Variants in FOXN3 observed in about 807,000 individuals in gnomAD.
The protein encoded by FOXN3 is forkhead box N3, also known as forkhead box protein N3.
FOXN3 carries 7 observed loss-of-function variants against 38.4 expected under a neutral mutation model. The ratio of observed to expected loss-of-function variants is 0.18; its 90% CI spans 0.10 to 0.34. The LOEUF (loss-of-function observed/expected upper bound fraction) is 0.34, where lower values mean the gene tolerates loss of function less well. FOXN3 is among the 10% of genes least tolerant of loss of function. The pLI is 1.00. For missense variants in FOXN3, 456 were observed against 613.4 expected, an observed-to-expected ratio of 0.74 and a Z score of 2.71; for synonymous variants, 230 against 242.2, an observed-to-expected ratio of 0.95 and a Z score of 0.47.
At chr14:89,372,741 GC>G (rs1313800260) in intron 2 of FOXN3, among the ~76,000 whole-genome samples, 1 of 150,938 alleles carries the variant, frequency 6.6e-6, no homozygotes, top group Non-Finnish European at 1.5e-5. Flanking sequence ...AAAATCTCCA[GC>G]AAACCTACAA....
intron 1 of FOXN3, among the ~76,000 whole-genome samples, chr14:89,427,355 G>A (rs1470710580): frequency 2.6e-5 from 3 of 115,516 alleles, no homozygotes; most frequent in African/African-American, 1.0e-4. Flanking sequence ...GCCCAGACTA[G>A]AGTGCAGTGG....
chr14:89,300,548 A>C (rs1228310224), intron 3 of FOXN3, among the ~76,000 whole-genome samples: 1 of 152,202 alleles, frequency 6.6e-6, no homozygotes, highest in Non-Finnish European at 1.5e-5. Flanking sequence ...ATGATGCTGA[A>C]AACCAGTCAC....
chr14:89,177,716 G>A (rs1221918924), intron 5 of FOXN3, among the ~76,000 whole-genome samples: 1 of 152,128 alleles, frequency 6.6e-6, no homozygotes, highest in Non-Finnish European at 1.5e-5. Flanking sequence ...CTCAGCAGCA[G>A]CATTCATTCT....
intron 1 of FOXN3, among the ~76,000 whole-genome samples, chr14:89,573,088 G>A (rs117155968): frequency 0.028 from 4,332 of 152,292 alleles, 113 homozygotes; most frequent in Middle Eastern, 0.051. Flanking sequence ...GGAGAAGGAG[G>A]TGCGTCACCT....
chr14:89,432,535 G>A (rs1259890578), intron 1 of FOXN3, among the ~76,000 whole-genome samples: 2 of 152,140 alleles, frequency 1.3e-5, no homozygotes, highest in East Asian at 1.9e-4. Context: ...GATAGGTGCT[G>A]TCATCCTCAT....
At chr14:89,324,361 G>A (rs1040355814) in intron 3 of FOXN3, among the ~76,000 whole-genome samples, 4 of 151,974 alleles carry the variant, frequency 2.6e-5, no homozygotes, top group Non-Finnish European at 4.4e-5. Context: ...TTGAAATATT[G>A]ATCACTAGCC....
At chr14:89,488,861 G>A (rs1470330581) in intron 1 of FOXN3, among the ~76,000 whole-genome samples, 2 of 152,072 alleles carry the variant, frequency 1.3e-5, no homozygotes, top group African/African-American at 4.8e-5. Flanking sequence ...GACATCTCTG[G>A]TTTTAGCTTT....
intron 4 of FOXN3, among the ~76,000 whole-genome samples, chr14:89,274,900 G>A (rs560516027): frequency 4.4e-4 from 67 of 152,330 alleles, no homozygotes; most frequent in Non-Finnish European, 8.5e-4. Context: ...ATGGGCAAGA[G>A]GACTTTGAGC....
rs1295017244 is a variant in FOXN3 at position 89,605,688 on chromosome 14, GA to G, written c.-15+13339del. On this transcript the variant is annotated intron_variant, in intron 1 of 6. Transcript: ENST00000345097. ...AGAACATGAAGAGTTATTTATATTA[GA>G]AAAAATATATTATGTTTTTGTTAAC... Among the ~76,000 whole-genome samples the G allele has an allele frequency of 3.3e-5, 5 of 151,940 alleles. No homozygotes were observed. The East Asian group carries it at 7.7e-4, about 23-fold the overall frequency.
chr14:89,568,964 G>C (rs576194305), intron 1 of FOXN3, among the ~76,000 whole-genome samples: 1 of 152,200 alleles, frequency 6.6e-6, no homozygotes, highest in Admixed American at 6.5e-5. Flanking sequence ...CAGCACTTTG[G>C]GAGGCCAAGG....
In FOXN3 at chr14:89,191,973, T is replaced by TATATATATATATATATATATAA. The variant is rs1481298307; in HGVS notation, c.746-11168_746-11167insTTATATATATATATATATATAT. Among the ~76,000 whole-genome samples the TATATATATATATATATATATAA allele has an allele frequency of 3.8e-3, 510 of 134,952 alleles. 24 individuals are homozygous for TATATATATATATATATATATAA. The highest frequency in any genetic ancestry group is 0.015 in the African/African-American group (488 of 31,498). 88.5% of individuals were successfully genotyped at this position (134,952 alleles called of 152,430 possible). The stretch of plus-strand genomic sequence containing the variant: ...GTATATATATATATACACATATATA[T>TATATATATATATATATATATAA]AACTATAATATATAATATATATTAG... On this transcript the variant is annotated intron_variant, in intron 4 of 5. Coordinates refer to ENST00000557258, the MANE Select transcript of FOXN3 (RefSeq NM_005197.4).
At chr14:89,411,404 G>A (rs761267371) in intron 2 of FOXN3, among the ~76,000 whole-genome samples, 4 of 152,222 alleles carry the variant, frequency 2.6e-5, no homozygotes, top group Non-Finnish European at 4.4e-5. Context: ...GGCAACTCAT[G>A]TCTGTTTAGT....
chr14:89,578,654 T>C (rs1895682516), intron 1 of FOXN3, among the ~76,000 whole-genome samples: 1 of 152,090 alleles, frequency 6.6e-6, no homozygotes, highest in Non-Finnish European at 1.5e-5. Flanking sequence ...CATTCCTCCC[T>C]TTCTCTCACC....
chr14:89,219,954 G>A (rs1005378349), intron 4 of FOXN3, among the ~76,000 whole-genome samples: 2 of 152,144 alleles, frequency 1.3e-5, no homozygotes, highest in Non-Finnish European at 2.9e-5. Context: ...GCCACTTACA[G>A]AACTAATCAT....
intron 2 of FOXN3, among the ~76,000 whole-genome samples, chr14:89,377,752 C>G (rs1040764973): frequency 9.8e-5 from 15 of 152,344 alleles, no homozygotes; most frequent in African/African-American, 3.4e-4. Flanking sequence ...CTGCACAACT[C>G]GTATGTTGAA....
intron 3 of FOXN3, among the ~76,000 whole-genome samples, chr14:89,344,267 G>GAA (rs58685122): frequency 3.1e-5 from 4 of 130,740 alleles, no homozygotes; most frequent in Admixed American, 8.0e-5. Context: ...GCTCATTAAA[G>GAA]AAAAAAAAAA....
chr14:89,469,259 CAGG>C (rs1489359662), intron 1 of FOXN3, among the ~76,000 whole-genome samples: 1 of 152,142 alleles, frequency 6.6e-6, no homozygotes, highest in Non-Finnish European at 1.5e-5. Context: ...CCCACAGCAC[CAGG>C]AGGAGTGTCT....
intron 1 of FOXN3, among the ~76,000 whole-genome samples, chr14:89,587,916 T>C (rs73315244): frequency 0.061 from 8,929 of 146,158 alleles, 548 homozygotes; most frequent in African/African-American, 0.16. Flanking sequence ...TTTGGGTAAA[T>C]TAACAGATAG....
rs763609278 is a variant in FOXN3 at position 89,162,463 on chromosome 14, T to C, written c.1358A>G (p.Asn453Ser). 5.0e-6 allele frequency: 8 copies of C among 1,598,172 alleles called. No homozygotes were observed. The highest frequency in any genetic ancestry group is 1.8e-5 in the Admixed American group (1 of 56,386). ...GIRSCLNNIT[N>S]RTAKGQKEQK... is the part of the protein sequence containing the mutation. ...CTCTTTCTGCCCCTTTGCCGTCCGATTGGTGATGTTATTCAAACAGGACCG... is the reference window on the plus strand; with the variant it reads ...CTCTTTCTGCCCCTTTGCCGTCCGACTGGTGATGTTATTCAAACAGGACCG... Residue 453 changes from asparagine to serine, a missense_variant, in exon 6 of 6, where the codon AAT (asparagine) becomes AGT (serine). Asn to Ser is a conservative substitution (Grantham distance 46, BLOSUM62 1). Around this residue, in one of 3 missense-constraint regions of FOXN3, gnomAD observed 386 missense variants for 505.2 expected, o/e 0.76. Transcript: ENST00000557258. The surrounding 1 kb of genome is among the most constrained non-coding windows in gnomAD (Gnocchi z 7.2).
Sources: gnomAD v4.1 joint callset for allele counts (sites outside exome capture counted in the v4.1 genomes callset) on GRCh38, gnomAD v4.1.1 for gene constraint, gnomAD v4.1.1 regional missense constraint, Gnocchi (gnomAD v3.1) non-coding constraint, MANE v1.5 for transcripts, NCBI Gene and HGNC (gene_info 2026-07-23, HGNC 2026-07-21) for gene names.